CD6: variants seen among roughly 807,000 people sequenced by gnomAD.
The protein encoded by CD6 is T-cell differentiation antigen CD6.
A neutral mutation model predicts 75.3 loss-of-function variants in CD6; 53 were observed. The ratio of observed to expected loss-of-function variants is 0.70; its 90% CI spans 0.56 to 0.88. The LOEUF is 0.88. Ranked by LOEUF, CD6 falls within the 40% of genes least tolerant of loss-of-function variation. CD6 has a pLI of 0.00. For synonymous variants in CD6, 359 were observed against 381.5 expected, an observed-to-expected ratio of 0.94 and a Z score of 0.69; for missense variants, 770 against 897.1, an observed-to-expected ratio of 0.86 and a Z score of 1.81.
Position 61,007,840 on chromosome 11 carries a change from G to C in CD6, c.399G>C (p.Glu133Asp). 1 of 1,425,834 alleles carries C rather than the reference G, an allele frequency of 7.0e-7. No individual in the cohort carries two copies. The highest frequency in any genetic ancestry group is 9.1e-7 in the Non-Finnish European group (1 of 1,094,540). The allele number at this position is 1,425,834 out of a possible 1,614,324, so 88.3% of individuals were successfully genotyped here. The stretch of plus-strand genomic sequence containing the variant: ...CCGCCCTCCTGTGCAGCGGCGCCGA[G>C]TGGCGGCTCTGCGAGGTGGTGGAGC... The part of the protein sequence containing the change: ...GAPALLCSGA[E>D]WRLCEVVEHA... The change falls in exon 3 of 13, where the codon GAG (glutamate) becomes GAC (aspartate). Residue 133 changes from glutamate (E) to aspartate (D), a missense_variant. By Grantham distance (45) the Glu-to-Asp change is conservative. Transcript: ENST00000313421. This position sits in a 1 kb window ranked among gnomAD's most constrained non-coding sequence, Gnocchi z 4.2.
rs1858934377 is a variant in CD6 at position 61,007,732 on chromosome 11, C to T, written c.291C>T (p.Leu97=). 1 of 1,406,476 alleles carries T rather than the reference C, an allele frequency of 7.1e-7. No individual in the cohort carries two copies. The highest frequency in any genetic ancestry group is 9.3e-7 in the Non-Finnish European group (1 of 1,079,808). The allele number at this position is 1,406,476 out of a possible 1,614,324, so 87.1% of individuals were successfully genotyped here. The stretch of plus-strand genomic sequence containing the variant: ...GCGGGGCGGAGGCCGCCTCTCAGCT[C>T]GCCCCGCCGACCCCTGAGCTGCCGC... ...GCGGAEAASQ[L]APPTPELPPP... The change falls in exon 3 of 13, where the codon CTC becomes CTT. Residue 97 remains leucine (L), a synonymous_variant. Transcript: ENST00000313421. The surrounding 1 kb of genome is among the most constrained non-coding windows in gnomAD (Gnocchi z 4.2).
rs559783118 is a variant in CD6, at chr11:60,971,924, C to T, written c.49+10C>T. On this transcript the variant is annotated intron_variant, in intron 1 of 12. Transcript: ENST00000313421. Reference sequence around the variant, plus strand: ...ACGGCAGCCCTCTCAGGTAGGCCCCCTTCCCTCATCTCCTGCCACTGGTGC... The same window carrying T: ...ACGGCAGCCCTCTCAGGTAGGCCCCTTTCCCTCATCTCCTGCCACTGGTGC... 2 of 1,613,452 alleles carry T rather than the reference C, an allele frequency of 1.2e-6. No individual in the cohort carries two copies. Among genetic ancestry groups the T allele is most frequent in the South Asian group, 2.2e-5 (2 of 91,030 alleles).
chr11:61,004,915 C>T (rs1437946954), intron 1 of CD6, among the ~76,000 whole-genome samples: 1 of 152,208 alleles, frequency 6.6e-6, no homozygotes, highest in Admixed American at 6.5e-5. Context: ...AGCAGGCAGA[C>T]GTCTTCTGCC....
At position 61,017,500 on chromosome 11, in the gene CD6, C is replaced by T. The variant is rs1246520047; in HGVS notation, c.1532C>T (p.Thr511Ile). The T allele has an allele frequency of 1.3e-6, 2 of 1,549,892 alleles. No individual in the cohort carries two copies. Among genetic ancestry groups the T allele is most frequent in the Non-Finnish European group, 1.7e-6 (2 of 1,147,064 alleles). ...TFYNSQRHRV[T>I]DEEVQQSRFQ... The stretch of plus-strand genomic sequence containing the variant: ...GCAGATTCCCAGCGGCATCGGGTCA[C>T]AGATGAGGAGGTCCAGCAAAGCAGG... The change falls in exon 10 of 13, where the codon ACA (threonine) becomes ATA (isoleucine). Residue 511 changes from threonine (T) to isoleucine (I), a missense_variant. Physicochemically the swap from Thr to Ile is moderately conservative, Grantham distance 89. Coordinates refer to ENST00000313421, the MANE Select transcript of CD6 (RefSeq NM_006725.5).
chr11:61,000,091 A>G (rs1199599176), intron 1 of CD6, among the ~76,000 whole-genome samples: 2 of 151,982 alleles, frequency 1.3e-5, no homozygotes, highest in African/African-American at 4.8e-5. Flanking sequence ...AAATATAAAT[A>G]TAAAAAACCA....
chr11:60,977,159 G>A (rs1467083448), intron 1 of CD6, among the ~76,000 whole-genome samples: 3 of 152,090 alleles, frequency 2.0e-5, no homozygotes, highest in African/African-American at 4.8e-5. Context: ...CATTTATTAA[G>A]GCTTTATTTA....
chr11:61,006,035 C>G (rs1858840889), intron 1 of CD6, among the ~76,000 whole-genome samples: 1 of 152,238 alleles, frequency 6.6e-6, no homozygotes, highest in South Asian at 2.1e-4. Context: ...TCTGAAGGCA[C>G]TTTGCAATCC....
At chr11:61,014,070 C>A in intron 8 of CD6, 56 bp downstream of exon 8, 1 of 1,363,224 alleles carries the variant, frequency 7.3e-7, no homozygotes, top group Non-Finnish European at 1.0e-6. Flanking sequence ...GAAGGGTGAG[C>A]TTTCTGGAAG....
Position 60,971,778 on chromosome 11 carries a change from G to C in CD6, c.-88G>C. 1 of 1,313,352 alleles carries C rather than the reference G, an allele frequency of 7.6e-7. No individual in the cohort carries two copies. The highest frequency in any genetic ancestry group is 1.1e-6 in the Non-Finnish European group (1 of 922,122). 81.4% of individuals were successfully genotyped at this position (1,313,352 alleles called of 1,614,324 possible). A position where few individuals can be genotyped will look rare whatever the true frequency, so the allele number is the denominator to read the frequency against. On this transcript the variant is annotated 5_prime_UTR_variant, in exon 1 of 13. Transcript: ENST00000313421. ...AAAGGGTAGAGCAGACCTGCGCCAG[G>C]GGCGCACAACGGCCGTGTCCACCTC...
At chr11:60,992,550 G>A (rs1345221429) in intron 1 of CD6, among the ~76,000 whole-genome samples, 3 of 152,100 alleles carry the variant, frequency 2.0e-5, no homozygotes, top group Admixed American at 6.6e-5. Context: ...CCTGAGGGCC[G>A]GGCGCTGTGG....
intron 1 of CD6, among the ~76,000 whole-genome samples, chr11:60,992,655 C>T (rs1027600533): frequency 1.3e-4 from 20 of 151,720 alleles, no homozygotes; most frequent in Non-Finnish European, 2.1e-4. Context: ...TGGTGAAACC[C>T]GGTCTCTACT....
rs572519877 is a variant in CD6, at chr11:61,007,920, C to T, written c.469+10C>T. On this transcript the variant is annotated intron_variant, in intron 3 of 12. Coordinates refer to ENST00000313421, the MANE Select transcript of CD6 (RefSeq NM_006725.5). The surrounding 1 kb of genome is among the most constrained non-coding windows in gnomAD (Gnocchi z 4.2). Reference sequence around the variant, plus strand: ...CGTGTCACCTGTGCAGGTACGAGCGCACCCCCTACACGGGCCCCCACCTGC... The same window carrying T: ...CGTGTCACCTGTGCAGGTACGAGCGTACCCCCTACACGGGCCCCCACCTGC... The T allele has an allele frequency of 9.2e-5, 121 of 1,315,308 alleles. No individual in the cohort carries two copies. In the African/African-American group the frequency reaches 1.8e-3, roughly 20 times the overall value. The allele number at this position is 1,315,308 out of a possible 1,614,324, so 81.5% of individuals were successfully genotyped here.
Position 61,007,832 on chromosome 11 carries a change from G to GGCGCCGAGTGGCGCCGAGTGGCGCAGA in CD6, c.404_405insCCGAGTGGCGCAGAGCGCCGAGTGGCG (p.Arg135_Leu136insArgValAlaGlnSerAlaGluTrpArg). On this transcript the variant is annotated inframe_insertion, in exon 3 of 13. Transcript: ENST00000313421. This position sits in a 1 kb window ranked among gnomAD's most constrained non-coding sequence, Gnocchi z 4.2. ...CGGGGCGCCCGCCCTCCTGTGCAGC[G>GGCGCCGAGTGGCGCCGAGTGGCGCAGA]GCGCCGAGTGGCGGCTCTGCGAGGT... 1.4e-6 allele frequency: 2 copies of GGCGCCGAGTGGCGCCGAGTGGCGCAGA among 1,432,618 alleles called. No individual in the cohort carries two copies. Among genetic ancestry groups the GGCGCCGAGTGGCGCCGAGTGGCGCAGA allele is most frequent in the Non-Finnish European group, 1.8e-6 (2 of 1,098,796 alleles). 88.7% of individuals were successfully genotyped at this position (1,432,618 alleles called of 1,614,324 possible).
At chr11:61,014,634 C>T (rs1053018610) in intron 8 of CD6, among the ~76,000 whole-genome samples, 1 of 151,610 alleles carries the variant, frequency 6.6e-6, no homozygotes, top group Non-Finnish European at 1.5e-5. Flanking sequence ...ACTTGGGAAG[C>T]TGAGGCAGGA....
intron 11 of CD6, 107 bp downstream of exon 11, chr11:61,018,120 G>A: frequency 1.1e-5 from 15 of 1,412,922 alleles, no homozygotes; most frequent in East Asian, 2.3e-5. Context: ...ACCCAGTTCC[G>A]CAGCCATTCG....
chr11:61,007,773 G>C lies in CD6; in HGVS notation c.332G>C (p.Gly111Ala). 6.8e-7 allele frequency: 1 copy of C among 1,468,514 alleles called. No homozygotes were observed. Among genetic ancestry groups the C allele is most frequent in the Non-Finnish European group, 9.0e-7 (1 of 1,110,356 alleles). 91.0% of individuals were successfully genotyped at this position (1,468,514 alleles called of 1,614,324 possible). Reference protein sequence around the residue: ...TPELPPPPAAGNTSVAANATL... With the variant: ...TPELPPPPAAANTSVAANATL... The stretch of plus-strand genomic sequence containing the variant: ...GAGCTGCCGCCCCCGCCTGCAGCCG[G>C]GAACACCAGCGTAGCAGCTAATGCC... The change falls in exon 3 of 13, where the codon GGG (glycine) becomes GCG (alanine). Residue 111 changes from glycine (G) to alanine (A), a missense_variant. By Grantham distance (60) the Gly-to-Ala change is moderately conservative. Transcript: ENST00000313421. The surrounding 1 kb of genome is among the most constrained non-coding windows in gnomAD (Gnocchi z 4.2).
intron 3 of CD6, among the ~76,000 whole-genome samples, chr11:61,008,195 G>A (rs1565156805): frequency 6.6e-6 from 1 of 151,966 alleles, no homozygotes; most frequent in Non-Finnish European, 1.5e-5. Flanking sequence ...CACTTACTGG[G>A]CCCGCCGCTT....
At chr11:60,998,257 C>T (rs1255566803) in intron 1 of CD6, among the ~76,000 whole-genome samples, 1 of 152,158 alleles carries the variant, frequency 6.6e-6, no homozygotes, top group Non-Finnish European at 1.5e-5. Flanking sequence ...GTATGCACCT[C>T]ACAGGGTGGT....
At position 61,009,890 on chromosome 11, in the gene CD6, C is replaced by T. The variant is rs1859065011; in HGVS notation, c.1084+16C>T. 6.6e-7 allele frequency: 1 copy of T among 1,526,286 alleles called. No homozygotes were observed. The allele number at this position is 1,526,286 out of a possible 1,614,324, so 94.5% of individuals were successfully genotyped here. A position where few individuals can be genotyped will look rare whatever the true frequency, so the allele number is the denominator to read the frequency against. ...CTCTGCTCAGGTACCCCATCCTACT[C>T]CACCCCCCCAGATTTGAGCCAGAAT... On this transcript the variant is annotated intron_variant, in intron 5 of 12. Transcript: ENST00000313421.
Sources: gnomAD v4.1 joint callset for allele counts (sites outside exome capture counted in the v4.1 genomes callset) on GRCh38, gnomAD v4.1.1 for gene constraint, Gnocchi (gnomAD v3.1) non-coding constraint, MANE v1.5 for transcripts, NCBI Gene and HGNC (gene_info 2026-07-23, HGNC 2026-07-21) for gene names.